Variants in SIPA1L2 observed in about 807,000 individuals in gnomAD.
The protein encoded by SIPA1L2 is signal-induced proliferation-associated 1-like protein 2.
SIPA1L2 carries 56 observed loss-of-function variants against 163.9 expected under a neutral mutation model. That is an observed-to-expected ratio of 0.34 (90% confidence interval 0.28 to 0.43). The LOEUF (loss-of-function observed/expected upper bound fraction) is 0.43, where lower values mean the gene tolerates loss of function less well. Ranked by LOEUF, SIPA1L2 falls within the 20% of genes least tolerant of loss-of-function variation. The pLI, the probability that SIPA1L2 is intolerant of heterozygous loss-of-function variation, is 1.00. For synonymous variants in SIPA1L2, 877 were observed against 865.7 expected (o/e 1.01, Z -0.23); for missense variants, 1,974 against 2,193.5 (o/e 0.90, Z 2.00).
intron 2 of SIPA1L2, among the ~76,000 whole-genome samples, chr1:232,571,760 C>T (rs1659742319): frequency 6.6e-6 from 1 of 152,106 alleles, no homozygotes; most frequent in Admixed American, 6.5e-5. Context: ...AGTCTGGGAC[C>T]TCCCCCTTCT....
chr1:232,540,060 T>C (rs1334707438), intron 2 of SIPA1L2, among the ~76,000 whole-genome samples: 1 of 152,068 alleles, frequency 6.6e-6, no homozygotes, highest in Non-Finnish European at 1.5e-5. Flanking sequence ...TCCCAGCATT[T>C]TGGGAGGCCG....
At chr1:232,564,817 CAT>C (rs1659306141) in intron 2 of SIPA1L2, among the ~76,000 whole-genome samples, 2 of 152,008 alleles carry the variant, frequency 1.3e-5, no homozygotes, top group African/African-American at 4.8e-5. Context: ...TAAGTGTACA[CAT>C]GTTCTCTCTC....
At chr1:232,561,725 T>C (rs1659047466) in intron 2 of SIPA1L2, among the ~76,000 whole-genome samples, 1 of 152,212 alleles carries the variant, frequency 6.6e-6, no homozygotes, top group Non-Finnish European at 1.5e-5. Flanking sequence ...TCTGGATAAG[T>C]TACTTATCAT....
In SIPA1L2 at chr1:232,525,274, C is replaced by CA. The variant is rs1243724324; in HGVS notation, c.-269-9667_-269-9666insT. Among the ~76,000 whole-genome samples, 6 of 116,468 alleles carry CA rather than the reference C, an allele frequency of 5.2e-5. No individual in the cohort carries two copies. In the East Asian group the frequency reaches 1.5e-3, roughly 28 times the overall value. 76.4% of individuals were successfully genotyped at this position (116,468 alleles called of 152,430 possible). ...TTTTGGAGACGGAGTCTTGCTCTGT[C>CA]GCCCAGGCTGGAGTGCAGTGGCGCA... On this transcript the variant is annotated intron_variant, in intron 2 of 22. Coordinates refer to ENST00000674635, the MANE Select transcript of SIPA1L2 (RefSeq NM_020808.5).
intron 1 of SIPA1L2, among the ~76,000 whole-genome samples, chr1:232,575,649 T>C (rs906823139): frequency 6.6e-6 from 1 of 152,048 alleles, no homozygotes; most frequent in Non-Finnish European, 1.5e-5. Context: ...CATTACCATA[T>C]AACCCAGCAA....
chr1:232,447,975 A>G (rs2102879878), intron 10 of SIPA1L2, among the ~76,000 whole-genome samples: 1 of 152,320 alleles, frequency 6.6e-6, no homozygotes, highest in African/African-American at 2.4e-5. Context: ...CACAATTAGT[A>G]AAAGCTGTCA....
intron 1 of SIPA1L2, among the ~76,000 whole-genome samples, chr1:232,591,700 A>T (rs1180325566): frequency 6.6e-6 from 1 of 152,194 alleles, no homozygotes; most frequent in East Asian, 1.9e-4. Flanking sequence ...AGTCTAAGAA[A>T]ATCAAAAAGA....
chr1:232,497,687 C>A, intron 3 of SIPA1L2, among the ~76,000 whole-genome samples: 1 of 152,180 alleles, frequency 6.6e-6, no homozygotes, highest in African/African-American at 2.4e-5. Context: ...TATGGCATCT[C>A]CCTTCCAGGT....
At chr1:232,455,599 T>G (rs868661230) in intron 10 of SIPA1L2, among the ~76,000 whole-genome samples, 1 of 148,136 alleles carries the variant, frequency 6.8e-6, no homozygotes, top group African/African-American at 2.5e-5. Context: ...GAGAATGGCG[T>G]GAACCCGTGA....
Position 232,398,852 on chromosome 1 carries a change from G to A in SIPA1L2, c.*275C>T. The A allele has an allele frequency of 2.7e-6, 1 of 374,378 alleles. No homozygotes were observed. Among genetic ancestry groups the A allele is most frequent in the Non-Finnish European group, 4.9e-6 (1 of 203,438 alleles). The allele number at this position is 374,378 out of a possible 1,614,324, so 23.2% of individuals were successfully genotyped here. ...CCCAAGCCAGAGCACTGTTTTAGCA[G>A]AGTCTAAAAGAAAAAGGTCTCAACT... is the stretch of plus-strand genomic sequence containing the variant. On this transcript the variant is annotated 3_prime_UTR_variant, in exon 23 of 23. Transcript: ENST00000674635.
chr1:232,438,878 A>C (rs1662720046), intron 15 of SIPA1L2, among the ~76,000 whole-genome samples: 1 of 143,562 alleles, frequency 7.0e-6, no homozygotes, highest in Non-Finnish European at 1.5e-5. Context: ...CTTTTCACTC[A>C]AACTTAATAG....
At chr1:232,457,544 G>A (rs536975806) in intron 10 of SIPA1L2, among the ~76,000 whole-genome samples, 2 of 152,218 alleles carry the variant, frequency 1.3e-5, no homozygotes, top group South Asian at 2.1e-4. Context: ...TCACAAGCAC[G>A]AAGAGTCCAT....
intron 18 of SIPA1L2, among the ~76,000 whole-genome samples, chr1:232,423,180 C>A (rs1389705439): frequency 7.9e-5 from 12 of 152,138 alleles, no homozygotes; most frequent in Non-Finnish European, 1.8e-4. Flanking sequence ...GAGGCTAATG[C>A]AAGTGTGCTG....
intron 3 of SIPA1L2, among the ~76,000 whole-genome samples, chr1:232,501,824 C>G (rs1200226891): frequency 6.6e-6 from 1 of 152,214 alleles, no homozygotes; most frequent in Non-Finnish European, 1.5e-5. Context: ...ACCCTCTTCC[C>G]GTGACCACCC....
In SIPA1L2 at chr1:232,528,094, A is replaced by ATG. The variant is rs1667802510; in HGVS notation, c.-269-12487_-269-12486insCA. Reference sequence around the variant, plus strand: ...AAGCAAGTTTTATATATATATATATATATATATAATCAACTTTCTAAAAAC... The same window carrying ATG: ...AAGCAAGTTTTATATATATATATATATGTATATATAATCAACTTTCTAAAAAC... On this transcript the variant is annotated intron_variant, in intron 2 of 22. Transcript: ENST00000674635. 1.5e-5 allele frequency among the ~76,000 whole-genome samples: 2 copies of ATG among 129,910 alleles called. 1 individual carries two copies. The highest frequency in any genetic ancestry group is 3.3e-5 in the Non-Finnish European group (2 of 60,390). The allele number at this position is 129,910 out of a possible 152,430, so 85.2% of individuals were successfully genotyped here.
At chr1:232,498,550 G>A (rs1454751077) in intron 3 of SIPA1L2, among the ~76,000 whole-genome samples, 2 of 152,204 alleles carry the variant, frequency 1.3e-5, no homozygotes, top group Non-Finnish European at 2.9e-5. Flanking sequence ...AGGTTCTGGA[G>A]TGACTGCATT....
At chr1:232,623,571 G>C (rs1662926614) in intron 1 of SIPA1L2, among the ~76,000 whole-genome samples, 1 of 152,146 alleles carries the variant, frequency 6.6e-6, no homozygotes, top group South Asian at 2.1e-4. Context: ...TCGCACCACT[G>C]CACTCCAGCC....
rs1339423262 is a variant in SIPA1L2 at position 232,403,734 on chromosome 1, C to T, written c.4817-163G>A. On this transcript the variant is annotated intron_variant, in intron 20 of 22. Coordinates refer to ENST00000674635, the MANE Select transcript of SIPA1L2 (RefSeq NM_020808.5). ...AAGAAAAACAAATTCAGGCAAGCTT[C>T]TGAGAAGGAGAAAGCATGGAGATTG... Among the ~76,000 whole-genome samples, 4 of 152,226 alleles carry T rather than the reference C, an allele frequency of 2.6e-5. No homozygotes were observed. The East Asian group carries it at 7.7e-4, about 29-fold the overall frequency.
At chr1:232,489,102 G>A (rs1037534309) in intron 5 of SIPA1L2, among the ~76,000 whole-genome samples, 3 of 152,088 alleles carry the variant, frequency 2.0e-5, no homozygotes, top group South Asian at 2.1e-4. Context: ...GAGCAGCCTC[G>A]GGGGACCAAA....
Sources: allele counts gnomAD v4.1 joint callset (sites outside exome capture counted in the v4.1 genomes callset), GRCh38; gene constraint gnomAD v4.1.1; transcripts MANE v1.5; gene names NCBI Gene and HGNC (gene_info 2026-07-23, HGNC 2026-07-21).